Variants in SHCBP1L observed in about 807,000 individuals in gnomAD.
The protein encoded by SHCBP1L is testicular spindle-associated protein SHCBP1L.
A neutral mutation model predicts 62.5 loss-of-function variants in SHCBP1L; 67 were observed. The observed-to-expected ratio is 1.07, with a 90% CI of 0.88 to 1.31. The LOEUF (loss-of-function observed/expected upper bound fraction) is 1.31. Ranked by LOEUF, SHCBP1L falls within the 40% of genes most tolerant of loss-of-function variation. SHCBP1L has a pLI of 0.00. For synonymous variants in SHCBP1L, 284 were observed against 289.4 expected, an observed-to-expected ratio of 0.98 and a Z score of 0.19; for missense variants, 823 against 809.8, an observed-to-expected ratio of 1.02 and a Z score of -0.20.
intron 6 of SHCBP1L, among the ~76,000 whole-genome samples, chr1:182,908,586 C>T (rs904211293): frequency 1.3e-5 from 2 of 152,166 alleles, no homozygotes; most frequent in Non-Finnish European, 2.9e-5. Context: ...TAACTTTTAA[C>T]AATTACATAC....
intron 6 of SHCBP1L, among the ~76,000 whole-genome samples, chr1:182,925,261 G>A (rs566832641): frequency 6.6e-6 from 1 of 152,248 alleles, no homozygotes; most frequent in African/African-American, 2.4e-5. Context: ...GGAATGGGGG[G>A]TAAAAATTTG....
intron 2 of SHCBP1L, chr1:182,942,519 C>G (rs1177189800): frequency 3.4e-6 from 2 of 585,664 alleles, no homozygotes; most frequent in East Asian, 6.2e-5. Context: ...CTACTGAGAC[C>G]CACCAAGAGT....
At chr1:182,926,937 G>A (rs1157757643) in intron 6 of SHCBP1L, among the ~76,000 whole-genome samples, 1 of 150,938 alleles carries the variant, frequency 6.6e-6, no homozygotes, top group Non-Finnish European at 1.5e-5. Flanking sequence ...TTTTACATAT[G>A]AGAAACTAAA....
chr1:182,928,168 T>G (rs966096731), intron 6 of SHCBP1L, among the ~76,000 whole-genome samples: 3 of 147,078 alleles, frequency 2.0e-5, no homozygotes, highest in African/African-American at 8.0e-5. Flanking sequence ...ATATGCCAGC[T>G]TTATCTTTCA....
intron 2 of SHCBP1L, among the ~76,000 whole-genome samples, chr1:182,949,495 G>C (rs1235575245): frequency 6.6e-6 from 1 of 151,950 alleles, no homozygotes; most frequent in Non-Finnish European, 1.5e-5. Context: ...TCGGGGGTTC[G>C]AGACCAGCCT....
intron 6 of SHCBP1L, among the ~76,000 whole-genome samples, chr1:182,912,489 CCCTA>C: frequency 6.6e-6 from 1 of 151,978 alleles, no homozygotes; most frequent in East Asian, 1.9e-4. Context: ...TGATACCTTC[CCCTA>C]CACACCTTTT....
Position 182,946,175 on chromosome 1 carries a change from C to T in SHCBP1L, c.555+5143G>A, listed in dbSNP as rs188822467. Among the ~76,000 whole-genome samples, 862 of 152,134 alleles carry T rather than the reference C, an allele frequency of 5.7e-3. 6 individuals are homozygous for T. The highest frequency in any genetic ancestry group is 0.018 in the African/African-American group (751 of 41,464). Reference sequence around the variant, plus strand: ...TCTTATTGGACCTTCTCTTTGGTCCCAGTATTCCCAAATTTCATTATGTGT... The same window carrying T: ...TCTTATTGGACCTTCTCTTTGGTCCTAGTATTCCCAAATTTCATTATGTGT... On this transcript the variant is annotated intron_variant, in intron 2 of 9. Transcript: ENST00000367547.
chr1:182,924,690 G>T (rs1571345814), intron 6 of SHCBP1L, among the ~76,000 whole-genome samples: 1 of 95,116 alleles, frequency 1.1e-5, no homozygotes, highest in East Asian at 2.5e-4. Context: ...GGAAAGGAAA[G>T]GAAAGGAAAG....
chr1:182,906,434 T>C (rs1177347166), intron 6 of SHCBP1L, among the ~76,000 whole-genome samples: 2 of 125,892 alleles, frequency 1.6e-5, no homozygotes, highest in Non-Finnish European at 3.1e-5. Flanking sequence ...ACAAAATTCT[T>C]TTTTTTTTTT....
Position 182,944,121 on chromosome 1 carries a change from AAAAT to A in SHCBP1L, c.556-3582_556-3579del, listed in dbSNP as rs147108848. Among the ~76,000 whole-genome samples the A allele has an allele frequency of 2.2e-4, 29 of 134,092 alleles. 1 individual carries two copies. The highest frequency in any genetic ancestry group is 9.2e-4 in the East Asian group (4 of 4,352). 88.0% of individuals were successfully genotyped at this position (134,092 alleles called of 152,430 possible). A position where few individuals can be genotyped will look rare whatever the true frequency, so the allele number is the denominator to read the frequency against. ...GGGCAACAGAGCAAGACTACTTCTCAAAATAAATAAATAAATAAATAAATAAATA... is the reference window on the plus strand; with the variant it reads ...GGGCAACAGAGCAAGACTACTTCTCAAAATAAATAAATAAATAAATAAATA... On this transcript the variant is annotated intron_variant, in intron 2 of 9. Transcript: ENST00000367547.
intron 6 of SHCBP1L, among the ~76,000 whole-genome samples, chr1:182,918,245 TAC>T (rs2101930698): frequency 6.7e-6 from 1 of 148,914 alleles, no homozygotes; most frequent in East Asian, 2.0e-4. Flanking sequence ...TACATATATA[TAC>T]ACACATATAT....
At chr1:182,948,484 A>G (rs12031258) in intron 2 of SHCBP1L, among the ~76,000 whole-genome samples, 4 of 152,182 alleles carry the variant, frequency 2.6e-5, no homozygotes, top group Non-Finnish European at 4.4e-5. Context: ...TTGAAGATGA[A>G]GGAAGAGGGC....
At chr1:182,930,549 GTGTATATATATATATA>G (rs1219128389) in intron 5 of SHCBP1L, among the ~76,000 whole-genome samples, 12 of 48,840 alleles carry the variant, frequency 2.5e-4, no homozygotes, top group African/African-American at 1.3e-3. Context: ...TTTAGTGTGT[GTGTATATATATATATA>G]TATATATATA....
chr1:182,938,807 G>A (rs1232627953), intron 5 of SHCBP1L, among the ~76,000 whole-genome samples: 1 of 152,114 alleles, frequency 6.6e-6, no homozygotes, highest in East Asian at 1.9e-4. Context: ...CTGTTATGTA[G>A]ACAGACTCTG....
intron 9 of SHCBP1L, 101 bp downstream of exon 9, chr1:182,902,938 G>T: frequency 1.2e-6 from 1 of 812,472 alleles, no homozygotes; most frequent in Non-Finnish European, 1.8e-6. Flanking sequence ...CCAAATCAAT[G>T]ATAATATGTA....
intron 6 of SHCBP1L, among the ~76,000 whole-genome samples, chr1:182,923,142 G>A (rs1311479495): frequency 6.6e-6 from 1 of 152,104 alleles, no homozygotes; most frequent in Non-Finnish European, 1.5e-5. Context: ...GGAACTGGAT[G>A]AATTCCTGCA....
chr1:182,935,253 A>G (rs1346764266), intron 5 of SHCBP1L, among the ~76,000 whole-genome samples: 1 of 152,170 alleles, frequency 6.6e-6, no homozygotes, highest in East Asian at 1.9e-4. Flanking sequence ...CACTGGATCT[A>G]CAGATCAAGT....
chr1:182,940,236 A>G, intron 3 of SHCBP1L, 93 bp downstream of exon 3: 2 of 993,534 alleles, frequency 2.0e-6, no homozygotes, highest in Non-Finnish European at 3.0e-6. Flanking sequence ...AAATTAAATC[A>G]GTAAGTGCTT....
At chr1:182,922,818 A>G (rs2101934341) in intron 6 of SHCBP1L, among the ~76,000 whole-genome samples, 1 of 152,318 alleles carries the variant, frequency 6.6e-6, no homozygotes, top group Middle Eastern at 3.4e-3. Context: ...TCTCAAATTG[A>G]CAACCTAACA....
Sources: gnomAD v4.1 joint callset for allele counts (sites outside exome capture counted in the v4.1 genomes callset) on GRCh38, gnomAD v4.1.1 for gene constraint, MANE v1.5 for transcripts, NCBI Gene and HGNC (gene_info 2026-07-23, HGNC 2026-07-21) for gene names.